Variants in CEP162 observed in about 807,000 individuals in gnomAD.
CEP162 encodes centrosomal protein 162, also known as centrosomal protein of 162 kDa.
A neutral mutation model predicts 169.2 loss-of-function variants in CEP162; 141 were observed. The observed-to-expected ratio is 0.83, with a 90% CI of 0.73 to 0.96. CEP162 has a LOEUF of 0.96. Among genes scored for constraint, CEP162 ranks in the 40% least tolerant of loss-of-function variants. The probability of loss-of-function intolerance (pLI) is 0.00; values close to 1 mark genes in which losing one functional copy is unlikely to be tolerated. For synonymous variants in CEP162, 540 were observed against 526.4 expected (o/e 1.03, Z -0.35); for missense variants, 1,600 against 1,587.2 (o/e 1.01, Z -0.14).
chr6:84,194,347 T>G (rs2099541155), intron 10 of CEP162, among the ~76,000 whole-genome samples: 1 of 134,550 alleles, frequency 7.4e-6, no homozygotes, highest in African/African-American at 2.9e-5. Flanking sequence ...AGAGCAAGAC[T>G]CCGTCTCAAA....
Position 84,215,262 on chromosome 6 carries a change from T to C in CEP162, c.503+20A>G, listed in dbSNP as rs777243168. 7 of 1,315,992 alleles carry C rather than the reference T, an allele frequency of 5.3e-6. No individual in the cohort carries two copies. The African/African-American group carries it at 7.5e-5, about 14-fold the overall frequency. The allele number at this position is 1,315,992 out of a possible 1,614,324, so 81.5% of individuals were successfully genotyped here. On this transcript the variant is annotated intron_variant, in intron 5 of 26. Coordinates refer to ENST00000403245, the MANE Select transcript of CEP162 (RefSeq NM_014895.4). ...ACATAGAAATCATAAAAATCATTAA[T>C]AGTTTACACTGTACTTTACCTATGT...
chr6:84,163,941 T>C (rs1025979352), intron 18 of CEP162, among the ~76,000 whole-genome samples: 5 of 151,794 alleles, frequency 3.3e-5, no homozygotes, highest in African/African-American at 1.2e-4. Context: ...GAGGAAATTT[T>C]TGCAATTTAT....
rs751848092 is a variant in CEP162 at position 84,152,966 on chromosome 6, C to A, written c.3208G>T (p.Asp1070Tyr). Reference protein sequence around the residue: ...DVKKNDKDDEDFQSIEFQVEQ... With the variant: ...DVKKNDKDDEYFQSIEFQVEQ... ...ACCTGGAATTCTATAGACTGAAAAT[C>A]TTCATCATCTTTATCATTTTTCTTG... Residue 1070 changes from aspartate (D) to tyrosine (Y), a missense_variant, in exon 23 of 27, where the codon GAT becomes TAT. By Grantham distance (160) the Asp-to-Tyr change is radical. Coordinates refer to ENST00000403245, the MANE Select transcript of CEP162 (RefSeq NM_014895.4). The A allele has an allele frequency of 8.1e-6, 13 of 1,613,570 alleles. No individual in the cohort carries two copies. In the East Asian group the frequency reaches 2.2e-4, roughly 28 times the overall value.
intron 22 of CEP162, among the ~76,000 whole-genome samples, chr6:84,153,387 T>C (rs2099521878): frequency 6.6e-6 from 1 of 152,218 alleles, no homozygotes; most frequent in African/African-American, 2.4e-5. Context: ...ATATATGTTA[T>C]GTTATTTAAT....
intron 2 of CEP162, among the ~76,000 whole-genome samples, chr6:84,222,930 A>C (rs1374526155): frequency 6.6e-6 from 1 of 152,172 alleles, no homozygotes; most frequent in Non-Finnish European, 1.5e-5. Flanking sequence ...ATATTCCTTA[A>C]ACCATCTGAA....
chr6:84,196,381 C>A (rs944970244), intron 9 of CEP162, among the ~76,000 whole-genome samples: 1 of 152,180 alleles, frequency 6.6e-6, no homozygotes, highest in Admixed American at 6.5e-5. Flanking sequence ...ATACAATAAA[C>A]CCTTTTTCCT....
chr6:84,143,588 A>G (rs1386541282), intron 25 of CEP162, among the ~76,000 whole-genome samples: 2 of 151,994 alleles, frequency 1.3e-5, no homozygotes, highest in Non-Finnish European at 2.9e-5. Context: ...AGGAGAACGA[A>G]GAACAAAAAA....
At position 84,200,849 on chromosome 6, in the gene CEP162, T is replaced by C. The variant is rs2099544144; in HGVS notation, c.775A>G (p.Lys259Glu). ...AGGCACCTTGGCTTAGGTGTTATTTTATCTTGTTCATCAAGATTGACCTCT... is the reference window on the plus strand; with the variant it reads ...AGGCACCTTGGCTTAGGTGTTATTTCATCTTGTTCATCAAGATTGACCTCT... The part of the protein sequence containing the change: ...VAEVNLDEQD[K>E]ITPKPRCLPE... The change falls in exon 9 of 27, where the codon AAA becomes GAA. Residue 259 changes from lysine to glutamate, a missense_variant. Physicochemically the swap from Lys to Glu is moderately conservative, Grantham distance 56 (BLOSUM62 1). Coordinates refer to ENST00000403245, the MANE Select transcript of CEP162 (RefSeq NM_014895.4). 1 of 1,612,772 alleles carries C rather than the reference T, an allele frequency of 6.2e-7. No homozygotes were observed. The highest frequency in any genetic ancestry group is 8.5e-7 in the Non-Finnish European group (1 of 1,178,932).
rs911472358 is a variant in CEP162, at chr6:84,186,372, A to G, written c.1361T>C (p.Val454Ala). The stretch of plus-strand genomic sequence containing the variant: ...ATCCTGAGATAATGATGAAGAATTA[A>G]CAGTTATTTTTTTCCTCAAAATATT... ...YLNILRKKIT[V>A]NSSSLSQDDK... The change falls in exon 12 of 27, where the codon GTT becomes GCT. Residue 454 changes from valine to alanine, a missense_variant. Val to Ala is a moderately conservative substitution (Grantham distance 64, BLOSUM62 0). Coordinates refer to ENST00000403245, the MANE Select transcript of CEP162 (RefSeq NM_014895.4). The G allele has an allele frequency of 4.1e-6, 6 of 1,469,324 alleles. No individual in the cohort carries two copies. Among genetic ancestry groups the G allele is most frequent in the Admixed American group, 1.7e-5 (1 of 59,622 alleles). 91.0% of individuals were successfully genotyped at this position (1,469,324 alleles called of 1,614,324 possible). A position where few individuals can be genotyped will look rare whatever the true frequency, so the allele number is the denominator to read the frequency against.
Position 84,215,313 on chromosome 6 carries a change from T to C in CEP162, c.472A>G (p.Asn158Asp). 1 of 1,594,206 alleles carries C rather than the reference T, an allele frequency of 6.3e-7. No individual in the cohort carries two copies. Among genetic ancestry groups the C allele is most frequent in the Non-Finnish European group, 8.6e-7 (1 of 1,167,294 alleles). ...AAAGCTTTAAAATGTGTAGAGTCAT[T>C]AGAATCCAATTCCTTATTTAATCTC... ...YSRLNKELDS[N>D]DSTHFKALHS... Residue 158 changes from asparagine to aspartate, a missense_variant, in exon 5 of 27, where the codon AAT becomes GAT. Physicochemically the swap from Asn to Asp is conservative, Grantham distance 23 (BLOSUM62 1). Transcript: ENST00000403245.
At chr6:84,213,101 T>A in intron 5 of CEP162, 77 bp from the exon 6 acceptor site, 1 of 855,898 alleles carries the variant, frequency 1.2e-6, no homozygotes, top group Non-Finnish European at 1.8e-6. Context: ...TATACCGTTT[T>A]AAAAAATCCC....
chr6:84,125,131 T>C lies in CEP162; in HGVS notation c.4151A>G (p.His1384Arg), dbSNP rs1194402410. Residue 1384 changes from histidine (H) to arginine (R), a missense_variant, in exon 27 of 27, where the codon CAC becomes CGC. By Grantham distance (29) the His-to-Arg change is conservative (BLOSUM62 0). Transcript: ENST00000403245. ...AACTGGCACAACCACTCCTTGCCGG[T>C]GCAGCTCTCGGAGAACATCTAATAT... ...DSILDVLREL[H>R]RQGVVVPVAF... is the part of the protein sequence containing the mutation. 1 of 1,613,600 alleles carries C rather than the reference T, an allele frequency of 6.2e-7. No homozygotes were observed. The highest frequency in any genetic ancestry group is 1.3e-5 in the African/African-American group (1 of 75,030).
chr6:84,140,103 A>C (rs1352844164), intron 25 of CEP162, among the ~76,000 whole-genome samples: 1 of 152,142 alleles, frequency 6.6e-6, no homozygotes, highest in Non-Finnish European at 1.5e-5. Flanking sequence ...TGCCAGGTGC[A>C]GGGGCACAAG....
intron 6 of CEP162, among the ~76,000 whole-genome samples, chr6:84,205,767 A>T (rs1303900476): frequency 1.3e-5 from 2 of 151,882 alleles, no homozygotes; most frequent in Admixed American, 6.5e-5. Flanking sequence ...TTAGGAAAAG[A>T]GGAAGTCAAA....
intron 9 of CEP162, among the ~76,000 whole-genome samples, chr6:84,195,796 C>G (rs891604842): frequency 2.0e-5 from 3 of 152,172 alleles, no homozygotes; most frequent in South Asian, 2.1e-4. Context: ...ATGCCTCTCA[C>G]TTACTAGTTT....
chr6:84,207,614 G>T (rs1739276417), intron 6 of CEP162, among the ~76,000 whole-genome samples: 1 of 151,754 alleles, frequency 6.6e-6, no homozygotes, highest in South Asian at 2.1e-4. Flanking sequence ...TATACCTAAT[G>T]TAAATGACGA....
chr6:84,163,092 C>T (rs1340898146), intron 19 of CEP162, 52 bp downstream of exon 19: 43 of 1,561,730 alleles, frequency 2.8e-5, no homozygotes, highest in Non-Finnish European at 3.5e-5. Context: ...TTAAATTCAA[C>T]ATTAGAACAG....
Position 84,174,759 on chromosome 6 carries a change from A to G in CEP162, c.1993T>C (p.Leu665=), listed in dbSNP as rs2099531690. The G allele has an allele frequency of 2.8e-6, 4 of 1,448,576 alleles. No individual in the cohort carries two copies. The highest frequency in any genetic ancestry group is 3.8e-6 in the Non-Finnish European group (4 of 1,057,290). The allele number at this position is 1,448,576 out of a possible 1,614,324, so 89.7% of individuals were successfully genotyped here. The change falls in exon 15 of 27, where the codon TTG becomes CTG. Residue 665 remains leucine (L), a synonymous_variant. Coordinates refer to ENST00000403245, the MANE Select transcript of CEP162 (RefSeq NM_014895.4). ...TGAAGAATATAATTATCTTGATTCA[A>G]TTTGAAGAGTTCTTTTTCCTGTTGT... ...KKQQEKELFK[L]NQDNYILQAK... is the part of the protein sequence containing the mutation.
chr6:84,167,139 C>T (rs1396635865), intron 18 of CEP162, among the ~76,000 whole-genome samples: 1 of 152,160 alleles, frequency 6.6e-6, no homozygotes, highest in Admixed American at 6.6e-5. Context: ...TCTAGAGAAT[C>T]CTCAGCCATT....
Sources: gnomAD v4.1 joint callset for allele counts (sites outside exome capture counted in the v4.1 genomes callset) on GRCh38, gnomAD v4.1.1 for gene constraint, MANE v1.5 for transcripts, NCBI Gene and HGNC (gene_info 2026-07-23, HGNC 2026-07-21) for gene names.